TMEM45B: variants seen among roughly 807,000 people sequenced by gnomAD.
TMEM45B encodes transmembrane protein 45B.
Under a neutral mutation model 27.3 loss-of-function variants are expected in TMEM45B, and 29 were observed. The observed-to-expected ratio is 1.06, with a 90% CI of 0.79 to 1.45. The LOEUF (loss-of-function observed/expected upper bound fraction) is 1.45. Ranked by LOEUF, TMEM45B falls within the 40% of genes most tolerant of loss-of-function variation. The probability of loss-of-function intolerance (pLI) is 0.00; values close to 1 mark genes in which losing one functional copy is unlikely to be tolerated. For missense variants in TMEM45B, 348 were observed against 343.9 expected, an observed-to-expected ratio of 1.01 and a Z score of -0.09; for synonymous variants, 143 against 134.7, an observed-to-expected ratio of 1.06 and a Z score of -0.43.
intron 1 of TMEM45B, among the ~76,000 whole-genome samples, chr11:129,838,069 A>G (rs1307870277): frequency 3.3e-5 from 5 of 152,194 alleles, no homozygotes; most frequent in Middle Eastern, 3.4e-3. Context: ...GGCGTGAGCC[A>G]CCGCGTGCAG....
rs558527107 is a variant in TMEM45B, at chr11:129,849,257, A to G, written c.-8-3218A>G. Among the ~76,000 whole-genome samples, 43 of 152,336 alleles carry G rather than the reference A, an allele frequency of 2.8e-4. 1 individual carries two copies. Among genetic ancestry groups the G allele is most frequent in the African/African-American group, 4.8e-4 (20 of 41,572 alleles). On this transcript the variant is annotated intron_variant, in intron 1 of 5. Coordinates refer to ENST00000281441, the MANE Select transcript of TMEM45B (RefSeq NM_138788.5). ...GAATTCAAATGAGTTGCGTACTTTG[A>G]TTCAAATACAATGGCGTGACAGGCA...
intron 1 of TMEM45B, among the ~76,000 whole-genome samples, chr11:129,851,706 A>G (rs1591450633): frequency 6.6e-6 from 1 of 152,122 alleles, no homozygotes; most frequent in Non-Finnish European, 1.5e-5. Context: ...AAAATAATCA[A>G]TCTACTTCTG....
At chr11:129,822,760 A>G (rs1947433821) in intron 1 of TMEM45B, among the ~76,000 whole-genome samples, 1 of 152,150 alleles carries the variant, frequency 6.6e-6, no homozygotes, top group East Asian at 1.9e-4. Context: ...TAGGGAATGA[A>G]AACTCTTTGA....
chr11:129,833,040 G>A (rs1015962513), intron 1 of TMEM45B, among the ~76,000 whole-genome samples: 12 of 151,198 alleles, frequency 7.9e-5, no homozygotes, highest in Non-Finnish European at 1.5e-4. Context: ...TCAGGAGTTC[G>A]AGACCAGCCT....
Position 129,858,732 on chromosome 11 carries a change from A to AC in TMEM45B, c.*47_*48insC. On this transcript the variant is annotated 3_prime_UTR_variant, in exon 6 of 6. Transcript: ENST00000281441. ...ATGTCCCACTGCACAGCTGGAATGA[A>AC]TGGAGTTCATCCCCTCCACCTGAAT... 5.0e-6 allele frequency: 7 copies of AC among 1,396,870 alleles called. No individual in the cohort carries two copies. The highest frequency in any genetic ancestry group is 6.9e-6 in the Non-Finnish European group (7 of 1,011,002). 86.5% of individuals were successfully genotyped at this position (1,396,870 alleles called of 1,614,324 possible). A position where few individuals can be genotyped will look rare whatever the true frequency, so the allele number is the denominator to read the frequency against.
chr11:129,832,545 G>C (rs1170383127), intron 1 of TMEM45B, among the ~76,000 whole-genome samples: 4 of 151,982 alleles, frequency 2.6e-5, no homozygotes, highest in Non-Finnish European at 4.4e-5. Context: ...GGGTTGGGGG[G>C]CTGGCGGGAA....
At chr11:129,837,120 C>A (rs1478603066) in intron 1 of TMEM45B, among the ~76,000 whole-genome samples, 1 of 152,010 alleles carries the variant, frequency 6.6e-6, no homozygotes, top group East Asian at 1.9e-4. Context: ...CCCTTTAGTC[C>A]TGAAGGGAGA....
At chr11:129,855,137 G>C (rs746371791) in intron 3 of TMEM45B, among the ~76,000 whole-genome samples, 3 of 152,136 alleles carry the variant, frequency 2.0e-5, no homozygotes, top group Admixed American at 6.5e-5. Flanking sequence ...CGGTGTGGAC[G>C]TATGTGCGCA....
chr11:129,845,218 A>G (rs111298338), intron 1 of TMEM45B, among the ~76,000 whole-genome samples: 4,947 of 151,806 alleles, frequency 0.033, 255 homozygotes, highest in African/African-American at 0.11. Context: ...TGTTTATTAG[A>G]GTGGCTTATT....
intron 1 of TMEM45B, among the ~76,000 whole-genome samples, chr11:129,842,695 A>C (rs1591444409): frequency 6.6e-6 from 1 of 152,380 alleles, no homozygotes; most frequent in Non-Finnish European, 1.5e-5. Flanking sequence ...TAAAACTCCT[A>C]GAAGAAAATA....
chr11:129,845,217 G>A (rs141133920), intron 1 of TMEM45B, among the ~76,000 whole-genome samples: 262 of 152,022 alleles, frequency 1.7e-3, no homozygotes, highest in Admixed American at 5.0e-3. Context: ...CTGTTTATTA[G>A]AGTGGCTTAT....
At chr11:129,842,698 A>C (rs1947710508) in intron 1 of TMEM45B, among the ~76,000 whole-genome samples, 1 of 152,242 alleles carries the variant, frequency 6.6e-6, no homozygotes, top group African/African-American at 2.4e-5. Context: ...AACTCCTAGA[A>C]GAAAATATGC....
intron 1 of TMEM45B, among the ~76,000 whole-genome samples, chr11:129,836,931 A>C (rs1369713831): frequency 6.6e-6 from 1 of 152,202 alleles, no homozygotes; most frequent in Non-Finnish European, 1.5e-5. Flanking sequence ...GCCACATATT[A>C]TATAATTCAA....
intron 1 of TMEM45B, among the ~76,000 whole-genome samples, chr11:129,847,593 A>G (rs1462868746): frequency 3.3e-5 from 5 of 150,626 alleles, no homozygotes; most frequent in Non-Finnish European, 7.4e-5. Flanking sequence ...ATGACTCTTA[A>G]CGAGCATGCT....
rs1207467684 is a variant in TMEM45B at position 129,859,056 on chromosome 11, T to C, written c.*371T>C. ...GGGGTATGAGCCCAGGAGAACGTGCTGCTTTTGGTAACTTATCCCTTTTTC... is the reference window on the plus strand; with the variant it reads ...GGGGTATGAGCCCAGGAGAACGTGCCGCTTTTGGTAACTTATCCCTTTTTC... On this transcript the variant is annotated 3_prime_UTR_variant, in exon 6 of 6. Transcript: ENST00000281441. 2 of 154,208 alleles carry C rather than the reference T, an allele frequency of 1.3e-5. No homozygotes were observed. Among genetic ancestry groups the C allele is most frequent in the Non-Finnish European group, 2.9e-5 (2 of 69,476 alleles). 9.6% of individuals were successfully genotyped at this position (154,208 alleles called of 1,614,324 possible). A position where few individuals can be genotyped will look rare whatever the true frequency, so the allele number is the denominator to read the frequency against.
rs371120021 is a variant in TMEM45B, at chr11:129,845,032, A to AAT, written c.-8-7432_-8-7431dup. On this transcript the variant is annotated intron_variant, in intron 1 of 5. Transcript: ENST00000281441. Reference sequence around the variant, plus strand: ...GTAAATATGTGATTAAATATCAAAGAATATATATATATTCATGCTTTGAAA... The same window carrying AAT: ...GTAAATATGTGATTAAATATCAAAGAATATATATATATATTCATGCTTTGAAA... Among the ~76,000 whole-genome samples the AAT allele has an allele frequency of 5.1e-3, 780 of 152,170 alleles. 6 individuals are homozygous for AAT. Among genetic ancestry groups the AAT allele is most frequent in the African/African-American group, 0.018 (738 of 41,516 alleles).
chr11:129,826,402 A>C (rs1189573108), intron 1 of TMEM45B, among the ~76,000 whole-genome samples: 1 of 151,524 alleles, frequency 6.6e-6, no homozygotes, highest in East Asian at 2.0e-4. Context: ...ACAAAAAATT[A>C]GCTGGGCGTG....
At chr11:129,853,116 A>G (rs1451643205) in intron 2 of TMEM45B, among the ~76,000 whole-genome samples, 1 of 152,190 alleles carries the variant, frequency 6.6e-6, no homozygotes, top group African/African-American at 2.4e-5. Flanking sequence ...AAGCGCTTAT[A>G]GAGAGTTTAT....
chr11:129,849,375 C>G (rs895794012), intron 1 of TMEM45B, among the ~76,000 whole-genome samples: 1 of 152,202 alleles, frequency 6.6e-6, no homozygotes, highest in South Asian at 2.1e-4. Context: ...AACATTAGAT[C>G]TTAGGCTTGA....
Sources: allele counts gnomAD v4.1 joint callset (sites outside exome capture counted in the v4.1 genomes callset), GRCh38; gene constraint gnomAD v4.1.1; transcripts MANE v1.5; gene names NCBI Gene and HGNC (gene_info 2026-07-23, HGNC 2026-07-21).